CACHD1: variants seen among roughly 807,000 people sequenced by gnomAD.
CACHD1 encodes the protein VWFA and cache domain-containing protein 1.
In CACHD1, 71 loss-of-function variants were observed where a neutral mutation model predicts 138.7. That is an observed-to-expected ratio of 0.51 (90% CI 0.42 to 0.62). The LOEUF (loss-of-function observed/expected upper bound fraction) is 0.62. Among genes scored for constraint, CACHD1 ranks in the 20% least tolerant of loss-of-function variants. The pLI is 0.00. For missense variants in CACHD1, 1,389 were observed against 1,625.3 expected, an observed-to-expected ratio of 0.85 and a Z score of 2.50; for synonymous variants, 578 against 591.5, an observed-to-expected ratio of 0.98 and a Z score of 0.33.
chr1:64,524,183 CTT>C (rs1646519776), intron 1 of CACHD1, among the ~76,000 whole-genome samples: 2 of 152,216 alleles, frequency 1.3e-5, no homozygotes, highest in East Asian at 1.9e-4. Context: ...TTTGCTGACT[CTT>C]TTGTTTTTGT....
At position 64,582,262 on chromosome 1, in the gene CACHD1, C is replaced by A; in HGVS notation, c.368C>A (p.Thr123Asn). 6.2e-7 allele frequency: 1 copy of A among 1,614,010 alleles called. No homozygotes were observed. Among genetic ancestry groups the A allele is most frequent in the Non-Finnish European group, 8.5e-7 (1 of 1,179,862 alleles). ...ACGGCTCACCTAACCTCTCCCCTAA[C>A]TGCAATTCAAGACTGCTGTACTATC... ...SYTAHLTSPL[T>N]AIQDCCTIPP... Residue 123 changes from threonine to asparagine, a missense_variant, in exon 3 of 27, where the codon ACT (threonine) becomes AAT (asparagine). Coordinates refer to ENST00000651257, the MANE Select transcript of CACHD1 (RefSeq NM_020925.4).
chr1:64,646,033 C>G (rs1414924810), intron 8 of CACHD1, among the ~76,000 whole-genome samples: 1 of 152,208 alleles, frequency 6.6e-6, no homozygotes, highest in Non-Finnish European at 1.5e-5. Context: ...CCTGCCATCC[C>G]TACATAACAT....
At chr1:64,479,504 T>C (rs1206293509) in intron 1 of CACHD1, among the ~76,000 whole-genome samples, 3 of 152,148 alleles carry the variant, frequency 2.0e-5, no homozygotes, top group African/African-American at 7.2e-5. Flanking sequence ...GATGGCATTA[T>C]GGTTTTGGAG....
intron 23 of CACHD1, among the ~76,000 whole-genome samples, 169 bp from the exon 24 acceptor site, chr1:64,679,426 G>A (rs752839063): frequency 6.6e-6 from 1 of 152,130 alleles, no homozygotes; most frequent in African/African-American, 2.4e-5. Context: ...TGTAGCCTCC[G>A]CTCCCACGTT....
At chr1:64,558,239 C>G (rs1557492193) in intron 2 of CACHD1, among the ~76,000 whole-genome samples, 1 of 152,378 alleles carries the variant, frequency 6.6e-6, no homozygotes, top group East Asian at 1.9e-4. Flanking sequence ...TTTTCATCTT[C>G]CTTGATAAAT....
At chr1:64,544,706 A>G (rs1350530818) in intron 1 of CACHD1, among the ~76,000 whole-genome samples, 5 of 151,476 alleles carry the variant, frequency 3.3e-5, no homozygotes, top group Admixed American at 6.6e-5. Context: ...TCTAATTTTT[A>G]ACTTCATTTG....
At chr1:64,602,712 G>C in intron 3 of CACHD1, 94 bp from the exon 4 acceptor site, 4 of 789,900 alleles carry the variant, frequency 5.1e-6, no homozygotes, top group Non-Finnish European at 8.8e-6. Flanking sequence ...CTGTTTACGG[G>C]CTGACCTATC....
At position 64,618,045 on chromosome 1, in the gene CACHD1, G is replaced by T. The variant is rs548032063; in HGVS notation, c.518-11310G>T. Among the ~76,000 whole-genome samples the T allele has an allele frequency of 1.1e-3, 168 of 149,540 alleles. 3 individuals carry two copies. In the Middle Eastern group the frequency reaches 0.014, roughly 12 times the overall value. On this transcript the variant is annotated intron_variant, in intron 4 of 26. Transcript: ENST00000651257. ...CAGTGAGTCAAGATCATGCCATTGC[G>T]CTCCAGCTTGGGCAACAAGAGTGAA... is the stretch of plus-strand genomic sequence containing the variant.
At position 64,691,474 on chromosome 1, in the gene CACHD1, C is replaced by A. The variant is rs746556121; in HGVS notation, c.3738C>A (p.His1246Gln). The change falls in exon 27 of 27, where the codon CAC (histidine) becomes CAA (glutamine). Residue 1246 changes from histidine (H) to glutamine (Q), a missense_variant. Physicochemically the swap from His to Gln is conservative, Grantham distance 24 (BLOSUM62 0). This residue lies in a region of CACHD1 where 78 missense variants were observed against 76.9 expected (regional missense o/e 1.01). Transcript: ENST00000651257. ...CTGCCCTACTAAGTCACAAGTTCCA[C>A]CACTACCGGTCACACCACCCTACAC... is the stretch of plus-strand genomic sequence containing the variant. ...QTAALLSHKF[H>Q]HYRSHHPTLH... is the part of the protein sequence containing the mutation. 3.1e-6 allele frequency: 5 copies of A among 1,614,002 alleles called. No individual in the cohort carries two copies. The highest frequency in any genetic ancestry group is 4.2e-6 in the Non-Finnish European group (5 of 1,180,038).
intron 26 of CACHD1, among the ~76,000 whole-genome samples, chr1:64,684,913 G>A (rs555757947): frequency 2.0e-5 from 3 of 152,256 alleles, no homozygotes; most frequent in Middle Eastern, 3.4e-3. Context: ...GGGTTCAAGC[G>A]ATTCTCCTGC....
chr1:64,518,335 T>C (rs1646473775), intron 1 of CACHD1, among the ~76,000 whole-genome samples: 1 of 152,100 alleles, frequency 6.6e-6, no homozygotes, highest in Non-Finnish European at 1.5e-5. Flanking sequence ...GTGCAGAATG[T>C]ACAGGTTCAT....
chr1:64,637,360 C>T (rs950070619), intron 7 of CACHD1, among the ~76,000 whole-genome samples: 4 of 152,194 alleles, frequency 2.6e-5, no homozygotes, highest in African/African-American at 9.7e-5. Context: ...AGCTGCTCCT[C>T]TGTTCAGTCC....
At chr1:64,595,486 G>A (rs1054552543) in intron 3 of CACHD1, among the ~76,000 whole-genome samples, 4 of 152,096 alleles carry the variant, frequency 2.6e-5, no homozygotes, top group Non-Finnish European at 4.4e-5. Context: ...TGGCAGGATG[G>A]ACAGGGGTGC....
chr1:64,470,938 T>G lies in CACHD1; in HGVS notation c.194T>G (p.Met65Arg). The G allele has an allele frequency of 1.2e-6, 2 of 1,601,350 alleles. No individual in the cohort carries two copies. ...GCCGAGGAGCTGGGGGTCGTCACCATGCAGGTAAGTGGCCCCCGAGCTGGC... is the reference window on the plus strand; with the variant it reads ...GCCGAGGAGCTGGGGGTCGTCACCAGGCAGGTAAGTGGCCCCCGAGCTGGC... ...LAAEELGVVTMQRIFNSFVYT... is the reference protein window; with the variant it reads ...LAAEELGVVTRQRIFNSFVYT... The change falls in exon 1 of 27, where the codon ATG (methionine) becomes AGG (arginine). Residue 65 changes from methionine to arginine, a missense_variant. This residue lies in a region of CACHD1 where 1,000 missense variants were observed against 1,114.7 expected (regional missense o/e 0.90). Coordinates refer to ENST00000651257, the MANE Select transcript of CACHD1 (RefSeq NM_020925.4). The surrounding 1 kb of genome is among the most constrained non-coding windows in gnomAD (Gnocchi z 5.2).
chr1:64,609,705 C>G (rs1304157521), intron 4 of CACHD1, among the ~76,000 whole-genome samples: 1 of 152,100 alleles, frequency 6.6e-6, no homozygotes, highest in African/African-American at 2.4e-5. Flanking sequence ...TACACACTCA[C>G]ACTCATACTA....
intron 4 of CACHD1, among the ~76,000 whole-genome samples, chr1:64,613,926 G>A (rs1042479452): frequency 2.0e-5 from 3 of 152,104 alleles, no homozygotes; most frequent in Non-Finnish European, 4.4e-5. Context: ...CCACCTTCAG[G>A]ACACACATCT....
intron 1 of CACHD1, among the ~76,000 whole-genome samples, chr1:64,503,580 G>C (rs1032323333): frequency 1.3e-5 from 2 of 152,110 alleles, no homozygotes; most frequent in Non-Finnish European, 2.9e-5. Flanking sequence ...TGTGTAGCAT[G>C]GTGGGTAGAC....
chr1:64,517,743 A>G (rs768794134), intron 1 of CACHD1, among the ~76,000 whole-genome samples: 2 of 152,210 alleles, frequency 1.3e-5, no homozygotes, highest in African/African-American at 4.8e-5. Context: ...CATTATCACC[A>G]TGAGCTTCTC....
rs111706532 is a variant in CACHD1, at chr1:64,647,679, T to A, written c.1157-122T>A. On this transcript the variant is annotated intron_variant, in intron 8 of 26. Transcript: ENST00000651257. ...TTGTGTCCAGAGTCTATGTGGTCTC[T>A]GCAAAAACCCCTTTGGTATTACAAG... 3.0e-3 allele frequency: 2,252 copies of A among 745,810 alleles called. 6 individuals carry two copies. Among genetic ancestry groups the A allele is most frequent in the Non-Finnish European group, 4.5e-3 (2,040 of 450,940 alleles). 46.2% of individuals were successfully genotyped at this position (745,810 alleles called of 1,614,324 possible). A position where few individuals can be genotyped will look rare whatever the true frequency, so the allele number is the denominator to read the frequency against.
Sources: gnomAD v4.1 joint callset for allele counts (sites outside exome capture counted in the v4.1 genomes callset) on GRCh38, gnomAD v4.1.1 for gene constraint, gnomAD v4.1.1 regional missense constraint, Gnocchi (gnomAD v3.1) non-coding constraint, MANE v1.5 for transcripts, NCBI Gene and HGNC (gene_info 2026-07-23, HGNC 2026-07-21) for gene names.